SH3BGRL2: variants seen among roughly 807,000 people sequenced by gnomAD.
The protein encoded by SH3BGRL2 is SH3 domain binding glutamate rich protein like 2, also known as SH3 domain-binding glutamic acid-rich-like protein 2.
In SH3BGRL2, 21 loss-of-function variants were observed where a neutral mutation model predicts 14.8. The ratio of observed to expected loss-of-function variants is 1.42; its 90% confidence interval spans 1.01 to 2.05. The LOEUF is 2.05. SH3BGRL2 is among the 30% of genes most tolerant of loss of function. SH3BGRL2 has a pLI of 0.00. For synonymous variants in SH3BGRL2, 50 were observed against 47.8 expected, an observed-to-expected ratio of 1.05 and a Z score of -0.19; for missense variants, 147 against 130.8, an observed-to-expected ratio of 1.12 and a Z score of -0.61.
chr6:79,562,754 G>A, the SH3BGRL2 span, among the ~76,000 whole-genome samples: 134 of 152,104 alleles, frequency 8.8e-4, 1 homozygote, highest in Admixed American at 1.5e-3. Flanking sequence ...AATTGTCTTG[G>A]ACCATACATA....
At chr6:79,558,239 T>C in the SH3BGRL2 span, among the ~76,000 whole-genome samples, 2 of 152,098 alleles carry the variant, frequency 1.3e-5, no homozygotes, top group African/African-American at 4.8e-5. Context: ...CAGAGAGGGA[T>C]GGACTGTTGG....
upstream of SH3BGRL2, among the ~76,000 whole-genome samples, chr6:79,628,227 G>A (rs1220326202): frequency 6.6e-6 from 1 of 151,360 alleles, no homozygotes; most frequent in Non-Finnish European, 1.5e-5. Context: ...TTGTTTTGCA[G>A]TATAGTTTCC....
the SH3BGRL2 span, among the ~76,000 whole-genome samples, chr6:79,568,739 AACTT>A: frequency 6.6e-6 from 1 of 152,132 alleles, no homozygotes; most frequent in Non-Finnish European, 1.5e-5. Context: ...TTTTTAAACT[AACTT>A]TTTAATTTTC....
At chr6:79,687,429 G>A (rs183109101) in intron 2 of SH3BGRL2, among the ~76,000 whole-genome samples, 1 of 152,232 alleles carries the variant, frequency 6.6e-6, no homozygotes, top group African/African-American at 2.4e-5. Context: ...TGTATGGTCA[G>A]AACTATTAAA....
At chr6:79,697,162 C>A (rs1770349019) in intron 3 of SH3BGRL2, among the ~76,000 whole-genome samples, 1 of 151,988 alleles carries the variant, frequency 6.6e-6, no homozygotes, top group Non-Finnish European at 1.5e-5. Context: ...AAAAACATTT[C>A]TTTATTAAGT....
the SH3BGRL2 span, chr6:79,574,137 T>A: frequency 0.99 from 150,541 of 152,348 alleles, 74,407 homozygotes; most frequent in East Asian, 1. Flanking sequence ...TGTGGGAGAA[T>A]CCTGCCTGAA....
chr6:79,568,634 T>C, the SH3BGRL2 span, among the ~76,000 whole-genome samples: 1 of 152,102 alleles, frequency 6.6e-6, no homozygotes, highest in Non-Finnish European at 1.5e-5. Context: ...GAAGCAAGGA[T>C]GGGAGTAAGT....
intron 1 of SH3BGRL2, among the ~76,000 whole-genome samples, chr6:79,665,364 C>T (rs1036204910): frequency 2.6e-5 from 4 of 152,050 alleles, no homozygotes; most frequent in African/African-American, 7.2e-5. Context: ...AAAAAATATT[C>T]GTAATACAAC....
chr6:79,610,990 T>G, the SH3BGRL2 span, among the ~76,000 whole-genome samples: 1 of 152,212 alleles, frequency 6.6e-6, no homozygotes, highest in Admixed American at 6.5e-5. Context: ...GGCGAGGGTC[T>G]AAACCTAAGT....
intron 2 of SH3BGRL2, among the ~76,000 whole-genome samples, chr6:79,676,644 TA>T (rs1358421926): frequency 3.5e-5 from 3 of 85,436 alleles, no homozygotes; most frequent in Non-Finnish European, 9.2e-5. Context: ...TGTGTGTATA[TA>T]TATATAATCT....
the SH3BGRL2 span, among the ~76,000 whole-genome samples, chr6:79,620,343 T>C: frequency 1.3e-5 from 2 of 152,086 alleles, no homozygotes; most frequent in African/African-American, 4.8e-5. Context: ...CCTTCCGACC[T>C]TTATGAGAGT....
At chr6:79,596,891 T>G in the SH3BGRL2 span, among the ~76,000 whole-genome samples, 24 of 152,248 alleles carry the variant, frequency 1.6e-4, no homozygotes, top group African/African-American at 5.3e-4. Context: ...TTACAAAACT[T>G]ACTACAATGC....
At chr6:79,553,333 C>T in the SH3BGRL2 span, among the ~76,000 whole-genome samples, 1 of 152,118 alleles carries the variant, frequency 6.6e-6, no homozygotes. Context: ...TTCCAGTGAA[C>T]TTCTTCAAAA....
intron 1 of SH3BGRL2, among the ~76,000 whole-genome samples, chr6:79,638,473 G>A (rs1301417838): frequency 1.3e-5 from 2 of 152,104 alleles, no homozygotes; most frequent in African/African-American, 4.8e-5. Flanking sequence ...TCTGTAGTGG[G>A]ATTGCTGGAT....
chr6:79,631,578 G>C, intron 1 of SH3BGRL2, 72 bp downstream of exon 1: 4 of 1,225,032 alleles, frequency 3.3e-6, no homozygotes, highest in African/African-American at 1.6e-5. Context: ...CGCGGCGCTC[G>C]TCACTGCGCG....
intron 1 of SH3BGRL2, among the ~76,000 whole-genome samples, chr6:79,664,356 A>G (rs559936363): frequency 6.6e-6 from 1 of 152,328 alleles, no homozygotes; most frequent in African/African-American, 2.4e-5. Flanking sequence ...GCACTGCACT[A>G]AGAACTTTAT....
intron 1 of SH3BGRL2, among the ~76,000 whole-genome samples, chr6:79,668,993 G>T (rs548536612): frequency 6.6e-6 from 1 of 152,138 alleles, no homozygotes; most frequent in East Asian, 1.9e-4. Flanking sequence ...CTTTCCTGTT[G>T]GGCTAAATGT....
intron 2 of SH3BGRL2, among the ~76,000 whole-genome samples, chr6:79,685,588 T>C (rs560978352): frequency 1.3e-5 from 2 of 152,242 alleles, no homozygotes; most frequent in East Asian, 3.9e-4. Flanking sequence ...TTCTCCCCTA[T>C]TTTGATATAT....
intron 1 of SH3BGRL2, among the ~76,000 whole-genome samples, chr6:79,636,345 G>A (rs961501541): frequency 3.9e-5 from 6 of 152,070 alleles, no homozygotes; most frequent in African/African-American, 7.2e-5. Flanking sequence ...GGACAGCTCC[G>A]CACAGAGAAC....
Sources: allele counts gnomAD v4.1 joint callset (sites outside exome capture counted in the v4.1 genomes callset), GRCh38; gene constraint gnomAD v4.1.1; transcripts MANE v1.5; gene names NCBI Gene and HGNC (gene_info 2026-07-23, HGNC 2026-07-21).